The following ESRRG variants were observed in gnomAD, a reference collection of about 807,000 sequenced individuals.
ESRRG encodes estrogen related receptor gamma.
Under a neutral mutation model 44.0 loss-of-function variants are expected in ESRRG, and 13 were observed. That is an observed-to-expected ratio of 0.30 (90% CI 0.19 to 0.47). The LOEUF is 0.47. ESRRG is among the 20% of genes least tolerant of loss of function. The probability of loss-of-function intolerance (pLI) is 1.00; values close to 1 mark genes in which losing one functional copy is unlikely to be tolerated. For missense variants in ESRRG, 395 were observed against 580.6 expected, an observed-to-expected ratio of 0.68 and a Z score of 3.29; for synonymous variants, 215 against 214.6, an observed-to-expected ratio of 1.00 and a Z score of -0.02.
intron 3 of ESRRG, among the ~76,000 whole-genome samples, chr1:216,630,816 G>A (rs915842317): frequency 4.6e-5 from 7 of 152,006 alleles, no homozygotes; most frequent in Admixed American, 2.6e-4. Context: ...TGAGTGTGAC[G>A]TCCACTGCAA....
upstream of ESRRG, among the ~76,000 whole-genome samples, chr1:216,724,764 C>T (rs1410314869): frequency 6.6e-6 from 1 of 152,076 alleles, no homozygotes; most frequent in Non-Finnish European, 1.5e-5. Flanking sequence ...TTCCATATAA[C>T]AAAGAGTTTG....
At chr1:216,912,407 G>A (rs7541497) in intron 2 of ESRRG, among the ~76,000 whole-genome samples, 64,742 of 151,434 alleles carry the variant, frequency 0.43, 14,307 homozygotes, top group Middle Eastern at 0.56. Context: ...TAATTTCCCT[G>A]AAGTCTTACA....
chr1:217,021,719 C>T (rs1335243267), intron 1 of ESRRG, among the ~76,000 whole-genome samples: 2 of 152,182 alleles, frequency 1.3e-5, no homozygotes, highest in African/African-American at 4.8e-5. Context: ...GTTTTGAGAA[C>T]TGTTATATAT....
intron 2 of ESRRG, among the ~76,000 whole-genome samples, chr1:216,872,795 A>T (rs1898313): frequency 0.5 from 75,917 of 152,048 alleles, 21,816 homozygotes; most frequent in African/African-American, 0.8. Context: ...CTGTATCTTC[A>T]AAACATCCGT....
intron 2 of ESRRG, among the ~76,000 whole-genome samples, chr1:216,666,962 T>C (rs950276064): frequency 6.6e-6 from 1 of 152,006 alleles, no homozygotes. Context: ...GTGGAAGAAA[T>C]GGTAATGCAA....
intron 2 of ESRRG, among the ~76,000 whole-genome samples, chr1:216,834,023 G>T (rs1300009623): frequency 6.6e-6 from 1 of 152,194 alleles, no homozygotes; most frequent in Non-Finnish European, 1.5e-5. Context: ...TCAAACAACA[G>T]CGCTGCAGTG....
intron 2 of ESRRG, among the ~76,000 whole-genome samples, chr1:216,801,433 C>T (rs2094614008): frequency 6.6e-6 from 1 of 152,172 alleles, no homozygotes; most frequent in South Asian, 2.1e-4. Context: ...CCCCCTGCCC[C>T]CTGTCCCTGT....
intron 6 of ESRRG, among the ~76,000 whole-genome samples, chr1:216,508,066 A>G (rs1214981412): frequency 6.6e-6 from 1 of 152,234 alleles, no homozygotes; most frequent in East Asian, 1.9e-4. Context: ...TTAATTACAC[A>G]TAATGGAGTC....
At chr1:216,608,154 T>C (rs1231328609) in intron 3 of ESRRG, among the ~76,000 whole-genome samples, 8 of 152,236 alleles carry the variant, frequency 5.3e-5, no homozygotes, top group Non-Finnish European at 1.2e-4. Context: ...GACCAATCTT[T>C]AATTAGTATC....
intron 6 of ESRRG, among the ~76,000 whole-genome samples, chr1:216,517,477 C>T (rs1572099363): frequency 6.6e-6 from 1 of 152,116 alleles, no homozygotes; most frequent in South Asian, 2.1e-4. Flanking sequence ...TTTAGCATTG[C>T]TCAGCATTCA....
chr1:216,649,010 G>A (rs1016349312), intron 3 of ESRRG, among the ~76,000 whole-genome samples: 1 of 152,016 alleles, frequency 6.6e-6, no homozygotes, highest in African/African-American at 2.4e-5. Flanking sequence ...TCTGCTATAG[G>A]GGTTAAGGCA....
chr1:216,660,211 C>A (rs1390966386), intron 2 of ESRRG, among the ~76,000 whole-genome samples: 1 of 152,142 alleles, frequency 6.6e-6, no homozygotes, highest in African/African-American at 2.4e-5. Flanking sequence ...GATTGCTCCA[C>A]CCTCTTTATA....
At chr1:216,846,798 CTG>C (rs1300139093) in intron 2 of ESRRG, among the ~76,000 whole-genome samples, 3 of 151,984 alleles carry the variant, frequency 2.0e-5, no homozygotes, top group Non-Finnish European at 4.4e-5. Flanking sequence ...AGGAGGAAAA[CTG>C]AGGCCCAGAT....
chr1:216,776,966 C>G (rs923292161), intron 2 of ESRRG, among the ~76,000 whole-genome samples: 2 of 152,094 alleles, frequency 1.3e-5, no homozygotes, highest in African/African-American at 4.8e-5. Context: ...CATCTCTAGG[C>G]ATTTTTAACT....
chr1:216,714,261 T>A, intron 1 of ESRRG, among the ~76,000 whole-genome samples: 1 of 152,196 alleles, frequency 6.6e-6, no homozygotes, highest in East Asian at 1.9e-4. Context: ...AAATCAGGTG[T>A]ACTCTGTATG....
At chr1:217,090,308 G>C (rs775643791), upstream of ESRRG, 5 of 152,112 alleles carry the variant, frequency 3.3e-5, no homozygotes, top group South Asian at 2.1e-4. Flanking sequence ...TGAAAAACGT[G>C]GGGGGAGGGG....
chr1:216,888,188 C>T (rs537794424), intron 2 of ESRRG, among the ~76,000 whole-genome samples: 1 of 152,158 alleles, frequency 6.6e-6, no homozygotes, highest in East Asian at 1.9e-4. Context: ...TTATTAAGAC[C>T]GACAGTCACT....
At chr1:216,775,450 C>A (rs77084388) in intron 2 of ESRRG, among the ~76,000 whole-genome samples, 1,600 of 150,864 alleles carry the variant, frequency 0.011, 32 homozygotes, top group African/African-American at 0.037. Context: ...CAGAACCATT[C>A]CTTTTCCTGT....
chr1:216,812,272 T>G, intron 2 of ESRRG, among the ~76,000 whole-genome samples: 1 of 152,184 alleles, frequency 6.6e-6, no homozygotes, highest in Admixed American at 6.6e-5. Flanking sequence ...TCTTTAAAGC[T>G]CAATTTGAAA....
Sources: allele counts gnomAD v4.1 joint callset (sites outside exome capture counted in the v4.1 genomes callset), GRCh38; gene constraint gnomAD v4.1.1; transcripts MANE v1.5; gene names NCBI Gene and HGNC (gene_info 2026-07-23, HGNC 2026-07-21).